Variants in ANKS1B observed in about 807,000 individuals in gnomAD.
ANKS1B encodes ankyrin repeat and sterile alpha motif domain containing 1B, also known as ankyrin repeat and sterile alpha motif domain-containing protein 1B.
ANKS1B carries 36 observed loss-of-function variants against 148.3 expected under a neutral mutation model. The observed-to-expected ratio is 0.24, with a 90% confidence interval of 0.19 to 0.32. ANKS1B has a LOEUF of 0.32. Ranked by LOEUF, ANKS1B falls within the 10% of genes least tolerant of loss-of-function variation. The pLI, the probability that ANKS1B is intolerant of heterozygous loss-of-function variation, is 1.00. For missense variants in ANKS1B, 1,157 were observed against 1,542.6 expected (o/e 0.75, Z 4.19); for synonymous variants, 542 against 560.8 (o/e 0.97, Z 0.47).
chr12:99,780,983 T>G (rs535702677), intron 5 of ANKS1B, among the ~76,000 whole-genome samples: 7 of 151,644 alleles, frequency 4.6e-5, no homozygotes, highest in Non-Finnish European at 1.0e-4. Context: ...AAATATATAT[T>G]GTAAGAAAGA....
At chr12:99,916,220 G>C (rs2094165693) in intron 1 of ANKS1B, among the ~76,000 whole-genome samples, 2 of 152,154 alleles carry the variant, frequency 1.3e-5, no homozygotes, top group Non-Finnish European at 1.5e-5. Flanking sequence ...AAGAGCTAAT[G>C]TTTCTCCAAT....
chr12:99,089,411 T>G (rs1599749313), intron 15 of ANKS1B, among the ~76,000 whole-genome samples: 1 of 152,202 alleles, frequency 6.6e-6, no homozygotes, highest in African/African-American at 2.4e-5. Context: ...TTGCCAAATA[T>G]AGTTGATTCT....
At chr12:99,542,687 T>C (rs1054082989) in intron 9 of ANKS1B, among the ~76,000 whole-genome samples, 1 of 152,008 alleles carries the variant, frequency 6.6e-6, no homozygotes, top group Admixed American at 6.5e-5. Flanking sequence ...GCTACAATAA[T>C]AAAGACAGTG....
intron 25 of ANKS1B, among the ~76,000 whole-genome samples, chr12:98,772,754 C>T (rs564128387): frequency 8.5e-5 from 13 of 152,262 alleles, no homozygotes; most frequent in East Asian, 5.8e-4. Flanking sequence ...CCATATCAGC[C>T]GCCATCTACA....
chr12:99,248,530 T>G (rs888351111), intron 12 of ANKS1B, among the ~76,000 whole-genome samples: 2 of 152,204 alleles, frequency 1.3e-5, no homozygotes, highest in Admixed American at 1.3e-4. Context: ...ACCTCATCAC[T>G]TTCTAAAATA....
rs869064302 is a variant in ANKS1B at position 99,058,719 on chromosome 12, C to CT, written c.2626-5411dup. On this transcript the variant is annotated intron_variant, in intron 16 of 26. Coordinates refer to ENST00000683438, the MANE Select transcript of ANKS1B (RefSeq NM_001352186.2). Reference sequence around the variant, plus strand: ...TTCTCCTAATGAAATTCTATCTATCCTTTTTTTTTTTTTTTTTTTTTTTTT... The same window carrying CT: ...TTCTCCTAATGAAATTCTATCTATCCTTTTTTTTTTTTTTTTTTTTTTTTTT... 5.8e-3 allele frequency among the ~76,000 whole-genome samples: 470 copies of CT among 80,664 alleles called. 87 individuals are homozygous for CT. The highest frequency in any genetic ancestry group is 8.2e-3 in the Non-Finnish European group (346 of 42,348). 52.9% of individuals were successfully genotyped at this position (80,664 alleles called of 152,430 possible).
intron 17 of ANKS1B, among the ~76,000 whole-genome samples, chr12:98,832,873 T>C (rs987953720): frequency 2.6e-5 from 4 of 152,258 alleles, no homozygotes; most frequent in South Asian, 2.1e-4. Context: ...CTGGCATATG[T>C]AGAGCACTAT....
At chr12:98,903,761 G>A (rs1460065342) in intron 17 of ANKS1B, among the ~76,000 whole-genome samples, 1 of 152,188 alleles carries the variant, frequency 6.6e-6, no homozygotes, top group Non-Finnish European at 1.5e-5. Flanking sequence ...GGGAACTTAA[G>A]TATAATTTAT....
At chr12:98,932,433 A>T (rs80142092) in intron 17 of ANKS1B, among the ~76,000 whole-genome samples, 43 of 152,294 alleles carry the variant, frequency 2.8e-4, no homozygotes, top group Non-Finnish European at 6.0e-4. Flanking sequence ...TTTGCAAAAC[A>T]AGTTTTGTGT....
intron 17 of ANKS1B, among the ~76,000 whole-genome samples, chr12:99,037,677 G>A (rs1040386639): frequency 6.6e-6 from 1 of 152,258 alleles, no homozygotes; most frequent in African/African-American, 2.4e-5. Flanking sequence ...GTGTTTTAGC[G>A]TCTGATTTTG....
chr12:98,769,625 C>A (rs2098541786), intron 25 of ANKS1B, among the ~76,000 whole-genome samples: 1 of 152,098 alleles, frequency 6.6e-6, no homozygotes. Context: ...CAACATTTCA[C>A]CTCAGTATTC....
Position 98,801,744 on chromosome 12 carries a change from A to C in ANKS1B, c.3142-619T>G, listed in dbSNP as rs750033781. Among the ~76,000 whole-genome samples, 2 of 152,228 alleles carry C rather than the reference A, an allele frequency of 1.3e-5. No individual in the cohort carries two copies. The highest frequency in any genetic ancestry group is 2.4e-5 in the African/African-American group (1 of 41,446). ...CTTTTCTCAGAAAACCTAACGTACCAATGAAGACTAAACAGTGAAATGCCA... is the reference window on the plus strand; with the variant it reads ...CTTTTCTCAGAAAACCTAACGTACCCATGAAGACTAAACAGTGAAATGCCA... On this transcript the variant is annotated intron_variant, in intron 20 of 26. Coordinates refer to ENST00000683438, the MANE Select transcript of ANKS1B (RefSeq NM_001352186.2). This position sits in a 1 kb window ranked among gnomAD's most constrained non-coding sequence, Gnocchi z 5.2.
chr12:98,925,099 C>G (rs2152929447), intron 17 of ANKS1B, among the ~76,000 whole-genome samples: 1 of 152,268 alleles, frequency 6.6e-6, no homozygotes, highest in East Asian at 1.9e-4. Flanking sequence ...TAATGAGCTA[C>G]AGCAGAATGG....
chr12:99,168,481 T>C (rs1456459544), intron 14 of ANKS1B, among the ~76,000 whole-genome samples: 2 of 149,032 alleles, frequency 1.3e-5, no homozygotes, highest in Non-Finnish European at 3.0e-5. Context: ...ATAGTGCCAT[T>C]GCACTCCAGC....
intron 1 of ANKS1B, among the ~76,000 whole-genome samples, chr12:99,967,894 C>T (rs1310780865): frequency 3.2e-5 from 4 of 123,974 alleles, no homozygotes; most frequent in East Asian, 2.2e-4. Flanking sequence ...GCGACAAGGG[C>T]GAAACTCCGT....
chr12:99,444,472 G>T (rs1273336551), intron 10 of ANKS1B, among the ~76,000 whole-genome samples: 1 of 151,914 alleles, frequency 6.6e-6, no homozygotes, highest in African/African-American at 2.4e-5. Flanking sequence ...CAGTATTTAG[G>T]AGGGGGGAAT....
chr12:99,360,763 A>C (rs1376180864), intron 12 of ANKS1B, among the ~76,000 whole-genome samples: 3 of 152,172 alleles, frequency 2.0e-5, no homozygotes, highest in Non-Finnish European at 4.4e-5. Context: ...GCCACTTGCA[A>C]ACTTGTGGGC....
intron 9 of ANKS1B, among the ~76,000 whole-genome samples, chr12:99,517,038 T>C (rs1388127259): frequency 2.0e-5 from 3 of 152,164 alleles, no homozygotes; most frequent in Non-Finnish European, 4.4e-5. Flanking sequence ...TTGCATTTTC[T>C]ATTTCTGTGA....
intron 14 of ANKS1B, among the ~76,000 whole-genome samples, chr12:99,229,417 T>C (rs2086473586): frequency 6.6e-6 from 1 of 151,960 alleles, no homozygotes. Flanking sequence ...TTTTTGCTCC[T>C]GTTCAATTGC....
Sources: gnomAD v4.1 joint callset for allele counts (sites outside exome capture counted in the v4.1 genomes callset) on GRCh38, gnomAD v4.1.1 for gene constraint, Gnocchi (gnomAD v3.1) non-coding constraint, MANE v1.5 for transcripts, NCBI Gene and HGNC (gene_info 2026-07-23, HGNC 2026-07-21) for gene names.